The following MAST4 variants were observed in gnomAD, a reference collection of about 807,000 sequenced individuals.
MAST4 encodes microtubule-associated serine/threonine-protein kinase 4.
In MAST4, 89 loss-of-function variants were observed where a neutral mutation model predicts 162.7. That is an observed-to-expected ratio of 0.55 (90% CI 0.46 to 0.65). The LOEUF is 0.65. Ranked by LOEUF, MAST4 falls within the 30% of genes least tolerant of loss-of-function variation. The probability of loss-of-function intolerance (pLI) is 0.00; values close to 1 mark genes in which losing one functional copy is unlikely to be tolerated. For synonymous variants in MAST4, 1,479 were observed against 1,361.1 expected, an observed-to-expected ratio of 1.09 and a Z score of -1.91; for missense variants, 3,153 against 3,374.0, an observed-to-expected ratio of 0.93 and a Z score of 1.62.
chr5:66,673,228 A>C (rs1365058739), intron 1 of MAST4, among the ~76,000 whole-genome samples: 2 of 152,032 alleles, frequency 1.3e-5, no homozygotes, highest in African/African-American at 4.8e-5. Context: ...ATCTGCTTAC[A>C]CTTTCTCAGC....
intron 1 of MAST4, among the ~76,000 whole-genome samples, chr5:66,642,558 T>C (rs1205912469): frequency 6.6e-6 from 1 of 152,194 alleles, no homozygotes; most frequent in Non-Finnish European, 1.5e-5. Context: ...AGAAACTTGA[T>C]ATGATGTCTG....
At chr5:66,928,815 A>C (rs999337499) in intron 4 of MAST4, among the ~76,000 whole-genome samples, 1 of 152,308 alleles carries the variant, frequency 6.6e-6, no homozygotes, top group South Asian at 2.1e-4. Flanking sequence ...ACTCTGGGCA[A>C]GAGTGCTCTT....
intron 6 of MAST4, among the ~76,000 whole-genome samples, chr5:67,093,217 T>C (rs1764057773): frequency 6.6e-6 from 1 of 152,194 alleles, no homozygotes; most frequent in Non-Finnish European, 1.5e-5. Context: ...CAGATGTTTT[T>C]CCCTTCTTAC....
intron 27 of MAST4, 104 bp from the exon 28 acceptor site, chr5:67,162,503 C>A: frequency 1.0e-6 from 1 of 992,696 alleles, no homozygotes; most frequent in Non-Finnish European, 1.5e-6. Context: ...GCTGTTGTAT[C>A]CCTGTCCCTC....
intron 1 of MAST4, among the ~76,000 whole-genome samples, chr5:66,750,568 G>A (rs569747335): frequency 1.3e-5 from 2 of 152,280 alleles, no homozygotes; most frequent in South Asian, 2.1e-4. Flanking sequence ...ACTCCCACCC[G>A]AATACTGCGC....
intron 4 of MAST4, among the ~76,000 whole-genome samples, chr5:67,036,036 A>G (rs1440814195): frequency 6.6e-6 from 1 of 152,154 alleles, no homozygotes; most frequent in African/African-American, 2.4e-5. Context: ...ACTTGCTTTT[A>G]GCATGCTTCC....
chr5:67,093,516 A>G, intron 6 of MAST4: 1 of 362,890 alleles, frequency 2.8e-6, no homozygotes, highest in Non-Finnish European at 5.7e-6. Context: ...ATTTGAGTAA[A>G]TAGACACAGA....
chr5:67,095,766 G>C (rs1764392233), intron 7 of MAST4, 91 bp downstream of exon 7: 1 of 933,928 alleles, frequency 1.1e-6, no homozygotes, highest in Non-Finnish European at 1.5e-6. Flanking sequence ...TTCCTGGTAG[G>C]GAGGAGAAGA....
At chr5:67,058,478 T>C (rs967683235) in intron 5 of MAST4, among the ~76,000 whole-genome samples, 6 of 152,202 alleles carry the variant, frequency 3.9e-5, no homozygotes, top group Non-Finnish European at 8.8e-5. Context: ...ATAGCATGGC[T>C]TTTGTACCTA....
intron 1 of MAST4, among the ~76,000 whole-genome samples, chr5:66,658,632 T>C (rs1050123621): frequency 6.6e-6 from 1 of 152,198 alleles, no homozygotes; most frequent in Non-Finnish European, 1.5e-5. Flanking sequence ...AGCCTAGTCT[T>C]TGAGTTCAAA....
intron 3 of MAST4, among the ~76,000 whole-genome samples, chr5:66,792,842 TTGAC>T (rs1382805138): frequency 2.0e-5 from 3 of 152,192 alleles, no homozygotes; most frequent in Non-Finnish European, 2.9e-5. Context: ...TTTTGATTCA[TTGAC>T]TAAGTTGAAG....
intron 21 of MAST4, 129 bp from the exon 22 acceptor site, chr5:67,144,540 A>G: frequency 1.1e-6 from 1 of 912,602 alleles, no homozygotes; most frequent in Non-Finnish European, 1.7e-6. Context: ...ACTGGAAAGT[A>G]CTTTCTGAAT....
intron 24 of MAST4, among the ~76,000 whole-genome samples, chr5:67,151,789 A>C (rs1303570427): frequency 6.2e-5 from 6 of 96,922 alleles, no homozygotes; most frequent in Middle Eastern, 0.012. Flanking sequence ...TTTTTTTGAG[A>C]TAGGGTCTTG....
At chr5:66,693,686 T>C (rs973363460) in intron 1 of MAST4, among the ~76,000 whole-genome samples, 3 of 152,252 alleles carry the variant, frequency 2.0e-5, no homozygotes, top group Admixed American at 6.5e-5. Flanking sequence ...TGCTATCAAA[T>C]GTCTTAAGAT....
At chr5:66,877,281 A>G (rs891578190) in intron 3 of MAST4, among the ~76,000 whole-genome samples, 2 of 152,174 alleles carry the variant, frequency 1.3e-5, no homozygotes, top group African/African-American at 4.8e-5. Flanking sequence ...ATGGGGAGCA[A>G]TGGGATAGCT....
chr5:67,135,660 A>G (rs1002965602), intron 18 of MAST4, among the ~76,000 whole-genome samples: 2 of 152,232 alleles, frequency 1.3e-5, no homozygotes, highest in African/African-American at 4.8e-5. Flanking sequence ...TGAGCTGTTT[A>G]TGGATTTATA....
chr5:66,849,498 T>C (rs1759143418), intron 3 of MAST4, among the ~76,000 whole-genome samples: 1 of 152,110 alleles, frequency 6.6e-6, no homozygotes, highest in Non-Finnish European at 1.5e-5. Context: ...TCCTTTTTCA[T>C]TTACTCCATC....
At chr5:66,871,863 A>G (rs1452662266) in intron 3 of MAST4, among the ~76,000 whole-genome samples, 1 of 152,196 alleles carries the variant, frequency 6.6e-6, no homozygotes, top group African/African-American at 2.4e-5. Context: ...TAAAAGTTGT[A>G]GACATCCCTA....
chr5:67,020,472 A>G (rs532989113), intron 4 of MAST4, among the ~76,000 whole-genome samples: 3 of 152,232 alleles, frequency 2.0e-5, no homozygotes, highest in African/African-American at 7.2e-5. Flanking sequence ...TCTTGGAAGG[A>G]TTGTTTCGCC....
Sources: gnomAD v4.1 joint callset for allele counts (sites outside exome capture counted in the v4.1 genomes callset) on GRCh38, gnomAD v4.1.1 for gene constraint, MANE v1.5 for transcripts, NCBI Gene and HGNC (gene_info 2026-07-23, HGNC 2026-07-21) for gene names.